Variants in BBX observed in about 807,000 individuals in gnomAD.
BBX encodes HMG box transcription factor BBX.
BBX carries 30 observed loss-of-function variants against 100.2 expected under a neutral mutation model. The observed-to-expected ratio is 0.30, with a 90% CI of 0.22 to 0.41. The LOEUF (loss-of-function observed/expected upper bound fraction) is 0.41, where lower values mean the gene tolerates loss of function less well. BBX is among the 10% of genes least tolerant of loss of function. The pLI is 1.00. For synonymous variants in BBX, 376 were observed against 388.1 expected, an observed-to-expected ratio of 0.97 and a Z score of 0.37; for missense variants, 1,023 against 1,129.8, an observed-to-expected ratio of 0.91 and a Z score of 1.35.
intron 5 of BBX, among the ~76,000 whole-genome samples, chr3:107,718,855 T>C (rs926948746): frequency 6.6e-6 from 1 of 152,098 alleles, no homozygotes; most frequent in Non-Finnish European, 1.5e-5. Context: ...TTTGCCTTGT[T>C]TGTAGTTGCT....
chr3:107,656,601 G>A (rs1023920186), intron 3 of BBX, among the ~76,000 whole-genome samples: 5 of 152,090 alleles, frequency 3.3e-5, no homozygotes, highest in African/African-American at 7.2e-5. Context: ...GCTCTGGATC[G>A]TTATCCCTCT....
chr3:107,759,879 C>T (rs929131038), intron 10 of BBX, among the ~76,000 whole-genome samples: 10 of 152,162 alleles, frequency 6.6e-5, no homozygotes, highest in African/African-American at 2.2e-4. Flanking sequence ...TTTTCTGAAA[C>T]AATTTTGAAT....
intron 2 of BBX, among the ~76,000 whole-genome samples, chr3:107,546,299 C>T (rs969219532): frequency 2.6e-5 from 4 of 152,102 alleles, no homozygotes; most frequent in African/African-American, 9.7e-5. Context: ...AAATTATTTG[C>T]AATTTTGTTT....
intron 2 of BBX, among the ~76,000 whole-genome samples, chr3:107,642,472 G>C (rs111538646): frequency 6.6e-6 from 1 of 152,222 alleles, no homozygotes; most frequent in Admixed American, 6.5e-5. Context: ...AATGGAGGAA[G>C]CCAGCGGAAG....
intron 2 of BBX, among the ~76,000 whole-genome samples, chr3:107,635,989 C>T (rs552109289): frequency 1.3e-5 from 2 of 152,314 alleles, no homozygotes; most frequent in East Asian, 1.9e-4. Context: ...AGACTACAGG[C>T]GTTAGCCACC....
At chr3:107,652,844 A>G (rs1315258103) in intron 3 of BBX, among the ~76,000 whole-genome samples, 1 of 152,224 alleles carries the variant, frequency 6.6e-6, no homozygotes, top group Non-Finnish European at 1.5e-5. Context: ...ATATAAACAC[A>G]TAAACATATG....
intron 2 of BBX, among the ~76,000 whole-genome samples, chr3:107,633,349 C>T (rs1380895417): frequency 1.3e-5 from 2 of 151,990 alleles, no homozygotes; most frequent in Non-Finnish European, 2.9e-5. Context: ...AAGTTCTGTA[C>T]TATCTTTAAA....
rs182690307 is a variant in BBX at position 107,528,146 on chromosome 3, T to C, written c.-84+1748T>C. 8.1e-4 allele frequency among the ~76,000 whole-genome samples: 123 copies of C among 152,318 alleles called. 1 individual carries two copies. The highest frequency in any genetic ancestry group is 6.5e-3 in the Admixed American group (100 of 15,302). ...TAGTGTAAATCTTGTAATAGTGATC[T>C]AAAAAAAGTCATTTTGACAATGAAT... On this transcript the variant is annotated intron_variant, in intron 2 of 17. Transcript: ENST00000325805.
At chr3:107,569,109 C>T (rs1171226834) in intron 2 of BBX, among the ~76,000 whole-genome samples, 1 of 152,170 alleles carries the variant, frequency 6.6e-6, no homozygotes, top group Non-Finnish European at 1.5e-5. Flanking sequence ...TAGCTAACTA[C>T]GTGCCAGGAA....
At chr3:107,611,072 C>T (rs985554116) in intron 2 of BBX, among the ~76,000 whole-genome samples, 4 of 152,000 alleles carry the variant, frequency 2.6e-5, no homozygotes, top group African/African-American at 9.7e-5. Context: ...TTATTTTAAA[C>T]TGATAACTTA....
intron 10 of BBX, among the ~76,000 whole-genome samples, chr3:107,761,702 T>C (rs1042018731): frequency 2.6e-5 from 4 of 151,832 alleles, no homozygotes; most frequent in African/African-American, 9.7e-5. Flanking sequence ...ATGCTGAGGG[T>C]GGGGGAAAGA....
chr3:107,784,312 TAACA>T (rs914871626), intron 13 of BBX, among the ~76,000 whole-genome samples: 1 of 151,896 alleles, frequency 6.6e-6, no homozygotes, highest in African/African-American at 2.4e-5. Flanking sequence ...CAACTAGAAC[TAACA>T]AACATATAGA....
chr3:107,702,846 G>A (rs1004269388), intron 3 of BBX, among the ~76,000 whole-genome samples: 56 of 152,142 alleles, frequency 3.7e-4, no homozygotes, highest in Non-Finnish European at 4.4e-5. Context: ...GGGAGAATGG[G>A]GGTGTGGGGG....
At chr3:107,532,226 A>G (rs771100562) in intron 2 of BBX, among the ~76,000 whole-genome samples, 2 of 151,958 alleles carry the variant, frequency 1.3e-5, no homozygotes, top group African/African-American at 4.8e-5. Flanking sequence ...CATGTGACCA[A>G]TGTTTACATA....
chr3:107,662,893 C>T (rs1173030546), intron 3 of BBX: 4 of 151,904 alleles, frequency 2.6e-5, no homozygotes, highest in Admixed American at 6.6e-5. Context: ...ACTTGCTACT[C>T]GCGGATACTT....
intron 10 of BBX, among the ~76,000 whole-genome samples, chr3:107,760,907 T>A (rs1403774): frequency 2.6e-5 from 4 of 152,068 alleles, no homozygotes; most frequent in African/African-American, 9.6e-5. Context: ...GATTTCTGAC[T>A]TCTGAAAATT....
At position 107,721,226 on chromosome 3, in the gene BBX, A is replaced by T. The variant is rs188008387; in HGVS notation, c.405+4377A>T. Among the ~76,000 whole-genome samples, 4 of 152,190 alleles carry T rather than the reference A, an allele frequency of 2.6e-5. No homozygotes were observed. The East Asian group carries it at 7.7e-4, about 29-fold the overall frequency. On this transcript the variant is annotated intron_variant, in intron 5 of 17. Transcript: ENST00000325805. ...TTGACTGTTTTTTGAAACCTTTAAC[A>T]CACTATTTCCACAGGAATCACTTTA... is the stretch of plus-strand genomic sequence containing the variant.
At chr3:107,751,392 ACT>A (rs1025751870) in intron 9 of BBX, among the ~76,000 whole-genome samples, 46 of 152,206 alleles carry the variant, frequency 3.0e-4, no homozygotes, top group Middle Eastern at 3.4e-3. Flanking sequence ...TTATTTACAA[ACT>A]CTTTTAACAC....
intron 7 of BBX, among the ~76,000 whole-genome samples, chr3:107,738,587 A>G (rs1031916944): frequency 6.6e-6 from 1 of 152,206 alleles, no homozygotes. Flanking sequence ...CACGATGGTG[A>G]GGCTACAAAG....
Sources: gnomAD v4.1 joint callset for allele counts (sites outside exome capture counted in the v4.1 genomes callset) on GRCh38, gnomAD v4.1.1 for gene constraint, MANE v1.5 for transcripts, NCBI Gene and HGNC (gene_info 2026-07-23, HGNC 2026-07-21) for gene names.